MYZAP: variants seen among roughly 807,000 people sequenced by gnomAD.
The protein encoded by MYZAP is GRINL1A complex locus upstream.
A neutral mutation model predicts 69.4 loss-of-function variants in MYZAP; 66 were observed. The ratio of observed to expected loss-of-function variants is 0.95; its 90% CI spans 0.78 to 1.17. MYZAP has a LOEUF of 1.17. Ranked by LOEUF, MYZAP falls within the 50% of genes most tolerant of loss-of-function variation. The probability of loss-of-function intolerance (pLI) is 0.00; values close to 1 mark genes in which losing one functional copy is unlikely to be tolerated. For missense variants in MYZAP, 611 were observed against 556.2 expected (o/e 1.10, Z -0.99); for synonymous variants, 256 against 205.9 (o/e 1.24, Z -2.09).
At chr15:57,627,417 A>AAGGG (rs2036217257) in intron 5 of MYZAP, among the ~76,000 whole-genome samples, 1 of 108,510 alleles carries the variant, frequency 9.2e-6, no homozygotes, top group African/African-American at 3.4e-5. Context: ...GGGAAGGGGG[A>AAGGG]GGAGGAGGAG....
chr15:57,678,658 C>A lies in MYZAP; in HGVS notation c.1304+3590C>A, dbSNP rs542442815. ...AAACTCTCTAGACACCCCGTCTAGA[C>A]ACTGTGTAAAACTCTGGGAGGCCCA... On this transcript the variant is annotated intron_variant, in intron 12 of 12. Transcript: ENST00000267853. 1.4e-4 allele frequency among the ~76,000 whole-genome samples: 21 copies of A among 152,160 alleles called. No homozygotes were observed. In the South Asian group the frequency reaches 2.5e-3, roughly 18 times the overall value.
chr15:57,659,163 G>A (rs1866816345), intron 10 of MYZAP, among the ~76,000 whole-genome samples: 1 of 151,904 alleles, frequency 6.6e-6, no homozygotes, highest in Non-Finnish European at 1.5e-5. Flanking sequence ...TATTTTTGAT[G>A]TTCAGAATGT....
intron 10 of MYZAP, chr15:57,647,962 G>A (rs1250862223): frequency 3.0e-6 from 3 of 985,146 alleles, no homozygotes; most frequent in Non-Finnish European, 1.2e-6. Context: ...CCCTTAACTG[G>A]ATCCTTAGCC....
intron 1 of MYZAP, among the ~76,000 whole-genome samples, chr15:57,602,707 G>A (rs1331437002): frequency 1.3e-5 from 2 of 152,136 alleles, no homozygotes; most frequent in Non-Finnish European, 2.9e-5. Flanking sequence ...AGTAAGCCCC[G>A]GAGACTGCCT....
chr15:57,681,502 G>C (rs1192347406), intron 12 of MYZAP, among the ~76,000 whole-genome samples: 7 of 152,238 alleles, frequency 4.6e-5, no homozygotes, highest in African/African-American at 1.7e-4. Flanking sequence ...ATGCTATAGA[G>C]GCTTGGCGTG....
chr15:57,645,358 G>A (rs2037389425), intron 10 of MYZAP, among the ~76,000 whole-genome samples: 1 of 152,124 alleles, frequency 6.6e-6, no homozygotes, highest in Non-Finnish European at 1.5e-5. Flanking sequence ...CTAGCCAGTT[G>A]GCCAAACAAG....
rs114566976 is a variant in MYZAP at position 57,675,724 on chromosome 15, C to G, written c.1304+656C>G. Among the ~76,000 whole-genome samples the G allele has an allele frequency of 4.7e-3, 719 of 152,272 alleles. 4 individuals carry two copies. Among genetic ancestry groups the G allele is most frequent in the African/African-American group, 0.016 (674 of 41,552 alleles). On this transcript the variant is annotated intron_variant, in intron 12 of 12. Coordinates refer to ENST00000267853, the MANE Select transcript of MYZAP (RefSeq NM_001018100.5). ...AGCTGCTTCCATGCTTGCGTCTCTT[C>G]CTGGTGACATTAGAGCCTGTAACAC...
At chr15:57,644,164 C>T (rs1177106009) in intron 10 of MYZAP, among the ~76,000 whole-genome samples, 3 of 152,136 alleles carry the variant, frequency 2.0e-5, no homozygotes, top group African/African-American at 4.8e-5. Context: ...ATCGCTGTCC[C>T]GGATTCTCAG....
intron 3 of MYZAP, among the ~76,000 whole-genome samples, chr15:57,618,949 G>T (rs1228307887): frequency 1.3e-5 from 2 of 152,204 alleles, no homozygotes; most frequent in Admixed American, 6.5e-5. Flanking sequence ...GTAAGAGGCA[G>T]TGTAGGGGCA....
chr15:57,681,083 T>C, intron 12 of MYZAP, among the ~76,000 whole-genome samples: 1 of 152,264 alleles, frequency 6.6e-6, no homozygotes, highest in East Asian at 1.9e-4. Context: ...AGAGCCTGTT[T>C]TTGAACCTAG....
chr15:57,638,264 CATTCAGGGGTCT>C (rs1417373182), intron 9 of MYZAP, among the ~76,000 whole-genome samples: 4 of 152,094 alleles, frequency 2.6e-5, no homozygotes, highest in African/African-American at 4.8e-5. Context: ...GCAGAGAGGC[CATTCAGGGGTCT>C]CTAGTGAAGG....
chr15:57,593,313 G>T (rs1313350464), intron 1 of MYZAP, among the ~76,000 whole-genome samples: 1 of 152,108 alleles, frequency 6.6e-6, no homozygotes, highest in Non-Finnish European at 1.5e-5. Flanking sequence ...GTCCAAGGGG[G>T]TTTCCAACCA....
At chr15:57,678,515 C>T (rs1160098887) in intron 12 of MYZAP, among the ~76,000 whole-genome samples, 1 of 152,064 alleles carries the variant, frequency 6.6e-6, no homozygotes, top group African/African-American at 2.4e-5. Flanking sequence ...ACAAAAAAAT[C>T]TGAGTATGCT....
chr15:57,626,558 G>A (rs189126054), intron 5 of MYZAP, among the ~76,000 whole-genome samples: 16 of 152,268 alleles, frequency 1.1e-4, no homozygotes, highest in African/African-American at 3.9e-4. Context: ...ATTTGAAAAT[G>A]TTCAAAGCAA....
chr15:57,674,850 A>G (rs897898780), intron 11 of MYZAP, 118 bp from the exon 12 acceptor site: 10 of 800,134 alleles, frequency 1.2e-5, no homozygotes, highest in Non-Finnish European at 2.0e-5. Flanking sequence ...CTGTAAATAC[A>G]TTGTGATAGT....
At chr15:57,607,260 GA>G (rs1364575229) in intron 2 of MYZAP, among the ~76,000 whole-genome samples, 1 of 152,188 alleles carries the variant, frequency 6.6e-6, no homozygotes, top group African/African-American at 2.4e-5. Context: ...AGATGTTCGT[GA>G]AAGGTTTCTG....
chr15:57,649,621 TTG>T (rs1173116915), intron 10 of MYZAP, among the ~76,000 whole-genome samples: 1 of 152,208 alleles, frequency 6.6e-6, no homozygotes, highest in Non-Finnish European at 1.5e-5. Flanking sequence ...CGAAAACTAT[TTG>T]GGTGCCATTA....
chr15:57,637,312 T>C (rs537401371), intron 8 of MYZAP, among the ~76,000 whole-genome samples: 4 of 152,346 alleles, frequency 2.6e-5, no homozygotes, highest in Non-Finnish European at 1.5e-5. Flanking sequence ...TATAGGATAT[T>C]GCCAGAATCC....
intron 11 of MYZAP, among the ~76,000 whole-genome samples, chr15:57,667,275 C>T (rs1165484826): frequency 2.0e-5 from 3 of 152,218 alleles, no homozygotes; most frequent in East Asian, 1.9e-4. Context: ...CTACAGCCCC[C>T]GAGCTGCCCA....
Sources: gnomAD v4.1 joint callset for allele counts (sites outside exome capture counted in the v4.1 genomes callset) on GRCh38, gnomAD v4.1.1 for gene constraint, MANE v1.5 for transcripts, NCBI Gene and HGNC (gene_info 2026-07-23, HGNC 2026-07-21) for gene names.